DNAJB4: variants seen among roughly 807,000 people sequenced by gnomAD.
DNAJB4 encodes the protein dnaJ homolog subfamily B member 4.
A neutral mutation model predicts 26.6 loss-of-function variants in DNAJB4; 10 were observed. That is an observed-to-expected ratio of 0.38 (90% CI 0.23 to 0.64). The LOEUF is 0.64. Ranked by LOEUF, DNAJB4 falls within the 30% of genes least tolerant of loss-of-function variation. The pLI is 0.58. For missense variants in DNAJB4, 328 were observed against 408.2 expected, an observed-to-expected ratio of 0.80 and a Z score of 1.69; for synonymous variants, 136 against 134.8, an observed-to-expected ratio of 1.01 and a Z score of -0.06.
intron 1 of DNAJB4, among the ~76,000 whole-genome samples, chr1:77,997,804 T>G (rs1345313100): frequency 6.6e-6 from 1 of 152,120 alleles, no homozygotes; most frequent in Non-Finnish European, 1.5e-5. Context: ...CTTCTTTTCT[T>G]TTTGAGACAG....
chr1:77,989,995 T>C (rs190535823), intron 1 of DNAJB4, among the ~76,000 whole-genome samples: 2 of 152,336 alleles, frequency 1.3e-5, no homozygotes, highest in African/African-American at 4.8e-5. Flanking sequence ...ATGTCACATG[T>C]CTGCCCTTAA....
intron 1 of DNAJB4, among the ~76,000 whole-genome samples, chr1:77,989,142 A>C (rs886456387): frequency 6.6e-6 from 1 of 152,078 alleles, no homozygotes; most frequent in Non-Finnish European, 1.5e-5. Flanking sequence ...TGGTCTTCCT[A>C]GTCCTTTTAC....
chr1:77,982,260 C>G (rs1659669190), intron 1 of DNAJB4, among the ~76,000 whole-genome samples: 1 of 152,148 alleles, frequency 6.6e-6, no homozygotes, highest in Admixed American at 6.5e-5. Context: ...TACATGTTGC[C>G]TCAAAAACAA....
At chr1:77,982,407 T>C (rs952369726) in intron 1 of DNAJB4, among the ~76,000 whole-genome samples, 4 of 152,272 alleles carry the variant, frequency 2.6e-5, no homozygotes, top group Admixed American at 6.5e-5. Flanking sequence ...CATTAACCTT[T>C]AGCTAAATAA....
At chr1:78,001,541 C>G (rs552482814), upstream of DNAJB4, among the ~76,000 whole-genome samples, 1 of 152,100 alleles carries the variant, frequency 6.6e-6, no homozygotes, top group African/African-American at 2.4e-5. Context: ...TTATTATAAA[C>G]TGAGAAATGA....
rs374712714 is a variant in DNAJB4 at position 78,005,284 on chromosome 1, T to C, written c.174T>C (p.Pro58=). 4 of 1,613,424 alleles carry C rather than the reference T, an allele frequency of 2.5e-6. No individual in the cohort carries two copies. Among genetic ancestry groups the C allele is most frequent in the Non-Finnish European group, 8.5e-7 (1 of 1,179,840 alleles). The stretch of plus-strand genomic sequence containing the variant: ...AAGCTTATGAAGTATTGAGTGATCC[T>C]AAAAAGAGAGAAATATATGATCAGT... ...VAEAYEVLSD[P]KKREIYDQFG... The change falls in exon 1 of 3, where the codon CCT becomes CCC. Residue 58 remains proline (P), a synonymous_variant. Coordinates refer to ENST00000370763, the MANE Select transcript of DNAJB4 (RefSeq NM_007034.5).
intron 1 of DNAJB4, among the ~76,000 whole-genome samples, chr1:77,988,633 T>C (rs1277986752): frequency 6.6e-6 from 1 of 152,220 alleles, no homozygotes; most frequent in Non-Finnish European, 1.5e-5. Context: ...TATGGATGCA[T>C]AGCTTTCCTC....
chr1:78,001,513 A>G (rs1557506696), upstream of DNAJB4, among the ~76,000 whole-genome samples: 1 of 152,164 alleles, frequency 6.6e-6, no homozygotes, highest in Admixed American at 6.5e-5. Context: ...ATGGCATTTT[A>G]TCTTCTTCTG....
intron 1 of DNAJB4, among the ~76,000 whole-genome samples, chr1:77,995,251 G>A (rs7514180): frequency 0.19 from 28,723 of 152,018 alleles, 2,929 homozygotes; most frequent in East Asian, 0.41. Flanking sequence ...TTAATTTCAC[G>A]TTTGTTTTTA....
chr1:77,984,178 T>C (rs562269580), intron 1 of DNAJB4, among the ~76,000 whole-genome samples: 1 of 152,364 alleles, frequency 6.6e-6, no homozygotes, highest in African/African-American at 2.4e-5. Context: ...TGCTCCACTT[T>C]AATCAAATGT....
intron 1 of DNAJB4, among the ~76,000 whole-genome samples, chr1:77,998,593 A>C (rs1310178242): frequency 6.6e-6 from 1 of 152,218 alleles, no homozygotes; most frequent in Non-Finnish European, 1.5e-5. Flanking sequence ...TAATCTCAGC[A>C]CTTTGGGAGA....
upstream of DNAJB4, among the ~76,000 whole-genome samples, chr1:78,000,538 C>T (rs897276786): frequency 1.3e-5 from 2 of 152,090 alleles, no homozygotes; most frequent in Admixed American, 1.3e-4. Context: ...GGTGTCACCT[C>T]GGCAAATATA....
intron 1 of DNAJB4, among the ~76,000 whole-genome samples, chr1:77,986,126 G>T (rs1042537310): frequency 6.6e-6 from 1 of 152,136 alleles, no homozygotes. Flanking sequence ...GTGAGTCATT[G>T]TCATCCCAAT....
chr1:78,003,956 A>C (rs1465444945), upstream of DNAJB4, among the ~76,000 whole-genome samples: 1 of 152,224 alleles, frequency 6.6e-6, no homozygotes, highest in Non-Finnish European at 1.5e-5. Context: ...GCGTTTTCCA[A>C]AATCTCCAAC....
intron 1 of DNAJB4, among the ~76,000 whole-genome samples, chr1:77,991,856 C>G (rs1346314605): frequency 6.6e-6 from 1 of 152,164 alleles, no homozygotes; most frequent in Non-Finnish European, 1.5e-5. Context: ...TTCATTCAGG[C>G]ATGAGTCATA....
chr1:77,992,566 T>C (rs1659958991), intron 1 of DNAJB4, among the ~76,000 whole-genome samples: 1 of 152,196 alleles, frequency 6.6e-6, no homozygotes, highest in Non-Finnish European at 1.5e-5. Context: ...GGTATGATTA[T>C]TAAACAGTCT....
upstream of DNAJB4, chr1:77,979,610 G>A (rs1392476618): frequency 6.5e-6 from 1 of 153,404 alleles, no homozygotes; most frequent in Non-Finnish European, 1.5e-5. Flanking sequence ...AACCCAGCAT[G>A]ATTTTCAGGG....
At chr1:78,005,376 T>TCTC (rs11384806) in intron 1 of DNAJB4, 55 bp downstream of exon 1, 22 of 1,138,016 alleles carry the variant, frequency 1.9e-5, no homozygotes, top group Non-Finnish European at 2.2e-5. Flanking sequence ...TTTTTTTTTT[T>TCTC]TCTCTCTCTC....
chr1:78,005,249 G>A lies in DNAJB4; in HGVS notation c.139G>A (p.Glu47Lys). ...TCCTCAGGCAGAGGAAAAATTTAAA[G>A]AGGTCGCAGAAGCTTATGAAGTATT... The part of the protein sequence containing the change: ...KSPQAEEKFK[E>K]VAEAYEVLSD... Residue 47 changes from glutamate to lysine, a missense_variant, in exon 1 of 3, where the codon GAG (glutamate) becomes AAG (lysine). Coordinates refer to ENST00000370763, the MANE Select transcript of DNAJB4 (RefSeq NM_007034.5). The A allele has an allele frequency of 6.2e-7, 1 of 1,614,108 alleles. No individual in the cohort carries two copies. Among genetic ancestry groups the A allele is most frequent in the Non-Finnish European group, 8.5e-7 (1 of 1,179,978 alleles).
Sources: allele counts gnomAD v4.1 joint callset (sites outside exome capture counted in the v4.1 genomes callset), GRCh38; gene constraint gnomAD v4.1.1; transcripts MANE v1.5; gene names NCBI Gene and HGNC (gene_info 2026-07-23, HGNC 2026-07-21).